ANK3: variants seen among roughly 807,000 people sequenced by gnomAD.
ANK3 encodes ankyrin-3.
ANK3 carries 57 observed loss-of-function variants against 370.9 expected under a neutral mutation model. That is an observed-to-expected ratio of 0.15 (90% CI 0.12 to 0.19). The LOEUF (loss-of-function observed/expected upper bound fraction) is 0.19. Ranked by LOEUF, ANK3 falls within the 10% of genes least tolerant of loss-of-function variation. The pLI is 1.00. For synonymous variants in ANK3, 1,929 were observed against 1,946.3 expected, an observed-to-expected ratio of 0.99 and a Z score of 0.23; for missense variants, 4,439 against 5,302.1, an observed-to-expected ratio of 0.84 and a Z score of 5.06.
rs2072465342 is a variant in ANK3 at position 60,027,537 on chromosome 10, C to A, written c.*2309G>T. On this transcript the variant is annotated 3_prime_UTR_variant, in exon 44 of 44. Coordinates refer to ENST00000280772, the MANE Select transcript of ANK3 (RefSeq NM_020987.5). Reference sequence around the variant, plus strand: ...AATGGACAGGCAATATATAACATTGCTGAAAGTCTCTTAGCACTAATTTAA... The same window carrying A: ...AATGGACAGGCAATATATAACATTGATGAAAGTCTCTTAGCACTAATTTAA... The A allele has an allele frequency of 6.6e-6, 1 of 152,058 alleles. No individual in the cohort carries two copies. Among genetic ancestry groups the A allele is most frequent in the African/African-American group, 2.4e-5 (1 of 41,410 alleles). The allele number at this position is 152,058 out of a possible 1,614,324, so 9.4% of individuals were successfully genotyped here.
intron 2 of ANK3, among the ~76,000 whole-genome samples, chr10:60,470,416 G>C (rs1044599995): frequency 6.6e-6 from 1 of 151,904 alleles, no homozygotes; most frequent in African/African-American, 2.4e-5. Context: ...GCAGTACTTT[G>C]CATTTTCCAA....
intron 2 of ANK3, among the ~76,000 whole-genome samples, chr10:60,424,881 T>A (rs1165051181): frequency 6.6e-6 from 1 of 152,042 alleles, no homozygotes; most frequent in Non-Finnish European, 1.5e-5. Context: ...TTTAAAGACA[T>A]TACTTTGTAA....
chr10:60,348,030 T>C (rs2056018459), intron 1 of ANK3, among the ~76,000 whole-genome samples: 1 of 152,110 alleles, frequency 6.6e-6, no homozygotes, highest in Non-Finnish European at 1.5e-5. Flanking sequence ...CTTTGCTTTG[T>C]TTGCTTGCCT....
At chr10:60,653,020 GTTATAA>G (rs1000143613) in intron 1 of ANK3, among the ~76,000 whole-genome samples, 3 of 152,070 alleles carry the variant, frequency 2.0e-5, no homozygotes, top group South Asian at 2.1e-4. Flanking sequence ...CGGTTGTCTT[GTTATAA>G]TTATAAGAGA....
At chr10:60,629,795 T>G (rs1015655929) in intron 1 of ANK3, among the ~76,000 whole-genome samples, 9 of 152,128 alleles carry the variant, frequency 5.9e-5, no homozygotes, top group Non-Finnish European at 1.5e-5. Flanking sequence ...AATATAATAA[T>G]AAATGTGAGA....
At chr10:60,150,613 C>A (rs999583462) in intron 23 of ANK3, among the ~76,000 whole-genome samples, 1 of 152,002 alleles carries the variant, frequency 6.6e-6, no homozygotes, top group Admixed American at 6.6e-5. Context: ...TGGCTGGATG[C>A]CCTCCTTGTT....
At chr10:60,679,025 G>T (rs2079160751) in intron 1 of ANK3, among the ~76,000 whole-genome samples, 1 of 152,016 alleles carries the variant, frequency 6.6e-6, no homozygotes, top group African/African-American at 2.4e-5. Flanking sequence ...TTGGTAAAGA[G>T]AGTGCTCAGG....
At chr10:60,669,517 G>A (rs912284157) in intron 1 of ANK3, among the ~76,000 whole-genome samples, 7 of 152,070 alleles carry the variant, frequency 4.6e-5, no homozygotes, top group African/African-American at 1.7e-4. Flanking sequence ...CACTTCACTG[G>A]AATGTTTTTA....
At chr10:60,030,548 C>A (rs1455716817) in intron 43 of ANK3, among the ~76,000 whole-genome samples, 1 of 152,128 alleles carries the variant, frequency 6.6e-6, no homozygotes, top group East Asian at 1.9e-4. Context: ...AAATATGCAA[C>A]CATAGGAGGA....
intron 2 of ANK3, among the ~76,000 whole-genome samples, chr10:60,568,143 A>G (rs980322808): frequency 6.6e-6 from 1 of 152,210 alleles, no homozygotes; most frequent in Non-Finnish European, 1.5e-5. Context: ...ATTGACTTCA[A>G]TTTTAAAGAA....
intron 1 of ANK3, among the ~76,000 whole-genome samples, chr10:60,656,268 TC>T (rs780062088): frequency 0.043 from 6,514 of 152,286 alleles, 173 homozygotes; most frequent in Middle Eastern, 0.075. Flanking sequence ...GTACCTTTCA[TC>T]TAAGTTGTTA....
intron 23 of ANK3, among the ~76,000 whole-genome samples, chr10:60,141,233 G>A (rs1169972099): frequency 6.6e-6 from 1 of 152,112 alleles, no homozygotes; most frequent in East Asian, 1.9e-4. Flanking sequence ...AGACAAGTTG[G>A]AAAAAGCAAA....
At chr10:60,680,255 G>A (rs1364292056) in intron 1 of ANK3, among the ~76,000 whole-genome samples, 2 of 152,160 alleles carry the variant, frequency 1.3e-5, no homozygotes, top group African/African-American at 4.8e-5. Flanking sequence ...CTTCCTCTAA[G>A]GAGACAAGAA....
intron 9 of ANK3, among the ~76,000 whole-genome samples, chr10:60,211,125 A>C (rs2096847668): frequency 6.6e-6 from 1 of 152,190 alleles, no homozygotes; most frequent in East Asian, 1.9e-4. Context: ...GTACCTCAGA[A>C]GATAAAGTGA....
intron 23 of ANK3, among the ~76,000 whole-genome samples, chr10:60,162,394 T>C (rs1020093855): frequency 6.6e-6 from 1 of 152,182 alleles, no homozygotes; most frequent in Admixed American, 6.5e-5. Flanking sequence ...GAAAGACCAT[T>C]CAATGTGTAT....
chr10:60,080,507 G>T, intron 36 of ANK3, 30 bp downstream of exon 36: 1 of 1,579,194 alleles, frequency 6.3e-7, no homozygotes, highest in Non-Finnish European at 8.7e-7. Context: ...GAAAATCCAC[G>T]TAGATTAGTA....
chr10:60,484,869 T>G (rs754256681), intron 2 of ANK3, among the ~76,000 whole-genome samples: 1 of 152,168 alleles, frequency 6.6e-6, no homozygotes, highest in Non-Finnish European at 1.5e-5. Flanking sequence ...TCCTTTTATA[T>G]CAAGTAAAAT....
chr10:60,391,144 A>G (rs1392060782), upstream of ANK3, among the ~76,000 whole-genome samples: 1 of 152,206 alleles, frequency 6.6e-6, no homozygotes, highest in Non-Finnish European at 1.5e-5. Flanking sequence ...AGAATCAGGG[A>G]CCATGGCATC....
At chr10:60,447,010 C>A (rs571307497) in intron 2 of ANK3, among the ~76,000 whole-genome samples, 1 of 152,076 alleles carries the variant, frequency 6.6e-6, no homozygotes, top group Non-Finnish European at 1.5e-5. Flanking sequence ...CATGGGTTAG[C>A]GAAGGTATTA....
Sources: allele counts gnomAD v4.1 joint callset (sites outside exome capture counted in the v4.1 genomes callset), GRCh38; gene constraint gnomAD v4.1.1; transcripts MANE v1.5; gene names NCBI Gene and HGNC (gene_info 2026-07-23, HGNC 2026-07-21).